The following FOXP2 variants were observed in gnomAD, a reference collection of about 807,000 sequenced individuals.
FOXP2 encodes the protein forkhead box protein P2.
In FOXP2, 12 loss-of-function variants were observed where a neutral mutation model predicts 115.8. That is an observed-to-expected ratio of 0.10 (90% confidence interval 0.07 to 0.17). The LOEUF (loss-of-function observed/expected upper bound fraction) is 0.17. Ranked by LOEUF, FOXP2 falls within the 10% of genes least tolerant of loss-of-function variation. The pLI, the probability that FOXP2 is intolerant of heterozygous loss-of-function variation, is 1.00. For synonymous variants in FOXP2, 328 were observed against 297.7 expected, an observed-to-expected ratio of 1.10 and a Z score of -1.05; for missense variants, 629 against 843.5, an observed-to-expected ratio of 0.75 and a Z score of 3.15.
chr7:114,570,877 T>A lies in FOXP2; in HGVS notation c.258+36171T>A. On this transcript the variant is annotated intron_variant, in intron 3 of 16. Coordinates refer to ENST00000350908, the MANE Select transcript of FOXP2 (RefSeq NM_014491.4). ...GGTGATGGGCATCCTCACAACACAT[T>A]TGCAGTAAGTTACACTGGGCAATTA... 1.9e-6 allele frequency: 3 copies of A among 1,611,788 alleles called. No homozygotes were observed. In the East Asian group the frequency reaches 6.7e-5, roughly 36 times the overall value.
chr7:114,428,559 T>G (rs1448512315), intron 2 of FOXP2, among the ~76,000 whole-genome samples: 1 of 151,480 alleles, frequency 6.6e-6, no homozygotes, highest in Non-Finnish European at 1.5e-5. Context: ...CCTACATAGC[T>G]ACTTTAGGAA....
chr7:114,149,735 GTA>G (rs1562982176), intron 1 of FOXP2, among the ~76,000 whole-genome samples: 3 of 152,016 alleles, frequency 2.0e-5, no homozygotes, highest in Non-Finnish European at 4.4e-5. Context: ...CTTTATGTAA[GTA>G]TGTGTTAAAA....
At chr7:114,187,703 AC>A (rs1345367919) in intron 1 of FOXP2, among the ~76,000 whole-genome samples, 1 of 152,144 alleles carries the variant, frequency 6.6e-6, no homozygotes, top group East Asian at 1.9e-4. Flanking sequence ...TATAGTAACA[AC>A]CCCATTCGTG....
chr7:114,318,070 TCCTAA>T (rs1797315841), intron 2 of FOXP2, among the ~76,000 whole-genome samples: 1 of 152,192 alleles, frequency 6.6e-6, no homozygotes, highest in South Asian at 2.1e-4. Context: ...ATCACTCTCA[TCCTAA>T]CCTATTTTTT....
At chr7:114,389,380 G>T (rs1042420776) in intron 2 of FOXP2, among the ~76,000 whole-genome samples, 1 of 152,150 alleles carries the variant, frequency 6.6e-6, no homozygotes, top group African/African-American at 2.4e-5. Flanking sequence ...AGTTACTGGG[G>T]CCTTAAAGAA....
In FOXP2 at chr7:114,169,799, T is replaced by C. The variant is rs948053747; in HGVS notation, c.-102+6711T>C. ...GTGGGAGGGACCCGGTGGGAGATAA[T>C]TGAATCATGGGACAGGTCTTTCCTA... On this transcript the variant is annotated intron_variant, in intron 1 of 17. Transcript: ENST00000634411. Among the ~76,000 whole-genome samples the C allele has an allele frequency of 2.0e-5, 3 of 152,022 alleles. No individual in the cohort carries two copies. The South Asian group carries it at 6.2e-4, about 32-fold the overall frequency.
chr7:114,684,215 C>G (rs904855207), intron 16 of FOXP2, among the ~76,000 whole-genome samples: 2 of 152,096 alleles, frequency 1.3e-5, no homozygotes, highest in Non-Finnish European at 2.9e-5. Flanking sequence ...GATTTTTCCA[C>G]GAGGTTCTTT....
At chr7:114,143,398 A>G (rs905890395) in intron 1 of FOXP2, among the ~76,000 whole-genome samples, 2 of 152,056 alleles carry the variant, frequency 1.3e-5, no homozygotes, top group Non-Finnish European at 2.9e-5. Context: ...AAAAAATGGA[A>G]TATAAATTAG....
intron 1 of FOXP2, among the ~76,000 whole-genome samples, chr7:114,147,939 C>T (rs1792420399): frequency 6.6e-6 from 1 of 152,088 alleles, no homozygotes; most frequent in African/African-American, 2.4e-5. Flanking sequence ...TGTAGTTAAT[C>T]AGTATCACTT....
At chr7:114,666,267 GT>G (rs1807156235) in intron 16 of FOXP2, 1 of 151,920 alleles carries the variant, frequency 6.6e-6, no homozygotes, top group Non-Finnish European at 1.5e-5. Flanking sequence ...TAAAAGGGGT[GT>G]AAATTGTCCC....
Position 114,693,106 on chromosome 7 carries a change from A to C in FOXP2, c.*3180A>C. ...TAAACCTAGTGGGCTTAAGGCTTATATTCTATGTGGTTGGATTCGTGGCAC... is the reference window on the plus strand; with the variant it reads ...TAAACCTAGTGGGCTTAAGGCTTATCTTCTATGTGGTTGGATTCGTGGCAC... On this transcript the variant is annotated 3_prime_UTR_variant, in exon 17 of 17. Transcript: ENST00000350908. 1 of 453,948 alleles carries C rather than the reference A, an allele frequency of 2.2e-6. No homozygotes were observed. Among genetic ancestry groups the C allele is most frequent in the Non-Finnish European group, 4.4e-6 (1 of 226,674 alleles). The allele number at this position is 453,948 out of a possible 1,614,324, so 28.1% of individuals were successfully genotyped here. A position where few individuals can be genotyped will look rare whatever the true frequency, so the allele number is the denominator to read the frequency against.
chr7:114,236,657 T>C (rs551310878), intron 1 of FOXP2, among the ~76,000 whole-genome samples: 2 of 152,362 alleles, frequency 1.3e-5, no homozygotes, highest in African/African-American at 4.8e-5. Context: ...CATGTACATG[T>C]ACTTTACATA....
chr7:114,209,616 T>C (rs183489486), intron 1 of FOXP2, among the ~76,000 whole-genome samples: 58 of 152,298 alleles, frequency 3.8e-4, no homozygotes, highest in African/African-American at 1.3e-3. Context: ...AATCTGATGC[T>C]TATGTGTCTT....
intron 1 of FOXP2, among the ~76,000 whole-genome samples, chr7:114,279,033 G>A (rs935579547): frequency 5.3e-5 from 8 of 152,216 alleles, no homozygotes; most frequent in East Asian, 1.9e-4. Context: ...GAGGTACCTC[G>A]GTGTTGGTAG....
At chr7:114,184,233 TG>T (rs1185662071) in intron 1 of FOXP2, among the ~76,000 whole-genome samples, 1 of 152,228 alleles carries the variant, frequency 6.6e-6, no homozygotes, top group East Asian at 1.9e-4. Flanking sequence ...ATTTCTGAGT[TG>T]GTTATTTGAC....
chr7:114,283,705 G>A (rs946513828), intron 1 of FOXP2, among the ~76,000 whole-genome samples: 12 of 152,108 alleles, frequency 7.9e-5, no homozygotes, highest in African/African-American at 2.9e-4. Flanking sequence ...GCTCATGCCT[G>A]CAATCCCAGC....
At chr7:114,568,519 A>G (rs576441235) in intron 3 of FOXP2, among the ~76,000 whole-genome samples, 3 of 151,916 alleles carry the variant, frequency 2.0e-5, no homozygotes, top group East Asian at 3.9e-4. Flanking sequence ...TATTTGAGAT[A>G]GTAACTAAAG....
chr7:114,155,661 CA>C (rs1792646179), intron 1 of FOXP2, among the ~76,000 whole-genome samples: 1 of 152,054 alleles, frequency 6.6e-6, no homozygotes. Flanking sequence ...ATTTTAGCAG[CA>C]AATCTGTATG....
At chr7:114,376,378 A>G (rs1358389862) in intron 2 of FOXP2, among the ~76,000 whole-genome samples, 1 of 152,256 alleles carries the variant, frequency 6.6e-6, no homozygotes, top group Admixed American at 6.5e-5. Flanking sequence ...TGTGTTAAAT[A>G]GAAATGATGA....
Sources: allele counts gnomAD v4.1 joint callset (sites outside exome capture counted in the v4.1 genomes callset), GRCh38; gene constraint gnomAD v4.1.1; transcripts MANE v1.5; gene names NCBI Gene and HGNC (gene_info 2026-07-23, HGNC 2026-07-21).